NSUN6: variants seen among roughly 807,000 people sequenced by gnomAD.
The protein encoded by NSUN6 is tRNA (cytosine(72)-C(5))-methyltransferase NSUN6.
NSUN6 carries 64 observed loss-of-function variants against 58.0 expected under a neutral mutation model. That is an observed-to-expected ratio of 1.10 (90% CI 0.90 to 1.36). NSUN6 has a LOEUF of 1.36. NSUN6 is among the 40% of genes most tolerant of loss of function. The pLI is 0.00. For missense variants in NSUN6, 701 were observed against 550.1 expected (o/e 1.27, Z -2.74); for synonymous variants, 231 against 193.9 (o/e 1.19, Z -1.59).
chr10:18,601,452 G>A (rs2057834747), intron 6 of NSUN6, among the ~76,000 whole-genome samples: 1 of 152,026 alleles, frequency 6.6e-6, no homozygotes, highest in Non-Finnish European at 1.5e-5. Flanking sequence ...GGAACCGAGT[G>A]TTTCAGTGTA....
intron 8 of NSUN6, among the ~76,000 whole-genome samples, chr10:18,575,908 G>A (rs1353553883): frequency 6.6e-6 from 1 of 152,112 alleles, no homozygotes; most frequent in African/African-American, 2.4e-5. Flanking sequence ...GCTGTCCTTA[G>A]AGTTCCGGGT....
At chr10:18,600,959 T>TATATATATATATATATATATAGAC in intron 6 of NSUN6, among the ~76,000 whole-genome samples, 1 of 64,926 alleles carries the variant, frequency 1.5e-5, no homozygotes. Context: ...TATATATATA[T>TATATATATATATATATATATAGAC]ACATATATAT....
intron 6 of NSUN6, among the ~76,000 whole-genome samples, chr10:18,602,805 G>C (rs1004486570): frequency 1.6e-4 from 25 of 152,140 alleles, no homozygotes; most frequent in Admixed American, 1.2e-3. Context: ...ATATCGGTGA[G>C]GGATGCATTT....
At chr10:18,588,559 A>G (rs1442274376) in intron 7 of NSUN6, among the ~76,000 whole-genome samples, 4 of 152,198 alleles carry the variant, frequency 2.6e-5, no homozygotes, top group Admixed American at 2.6e-4. Flanking sequence ...GTGCCCTTTC[A>G]GATGAAGCTT....
intron 7 of NSUN6, among the ~76,000 whole-genome samples, chr10:18,587,117 A>G (rs2057184353): frequency 6.6e-6 from 1 of 152,232 alleles, no homozygotes; most frequent in Non-Finnish European, 1.5e-5. Flanking sequence ...TTTAATCAAC[A>G]AAACTCAACA....
At chr10:18,561,109 G>C (rs1564720168) in intron 8 of NSUN6, among the ~76,000 whole-genome samples, 1 of 140,096 alleles carries the variant, frequency 7.1e-6, no homozygotes. Flanking sequence ...ATGGAAAAAG[G>C]AATAGAATAT....
chr10:18,584,348 T>A (rs1163866063), intron 8 of NSUN6, among the ~76,000 whole-genome samples: 2 of 152,214 alleles, frequency 1.3e-5, no homozygotes, highest in African/African-American at 2.4e-5. Context: ...GCAGCACATA[T>A]AAACGCAGGA....
intron 3 of NSUN6, among the ~76,000 whole-genome samples, chr10:18,630,736 C>T (rs1363482805): frequency 6.6e-6 from 1 of 152,162 alleles, no homozygotes; most frequent in Non-Finnish European, 1.5e-5. Flanking sequence ...AGACCAATAA[C>T]AGGAGCTGAA....
chr10:18,562,787 T>TGGAATGGAGGGGAGAAA (rs2055627875), intron 8 of NSUN6, among the ~76,000 whole-genome samples: 3 of 142,862 alleles, frequency 2.1e-5, no homozygotes, highest in African/African-American at 5.3e-5. Context: ...GATAATGGAA[T>TGGAATGGAGGGGAGAAA]GGAATGGAGT....
intron 7 of NSUN6, among the ~76,000 whole-genome samples, chr10:18,591,637 G>C (rs2131167405): frequency 6.6e-6 from 1 of 152,264 alleles, no homozygotes; most frequent in East Asian, 1.9e-4. Context: ...TATCTCAATA[G>C]ATACAGAAAA....
At chr10:18,602,524 G>A (rs1368327804) in intron 6 of NSUN6, among the ~76,000 whole-genome samples, 1 of 151,616 alleles carries the variant, frequency 6.6e-6, no homozygotes, top group Non-Finnish European at 1.5e-5. Context: ...GTAACCCACC[G>A]CACCCGGCCT....
intron 3 of NSUN6, among the ~76,000 whole-genome samples, chr10:18,627,545 T>A (rs923913798): frequency 6.6e-6 from 1 of 152,152 alleles, no homozygotes; most frequent in African/African-American, 2.4e-5. Context: ...CGCAGGTCAG[T>A]GGGTGCGCGC....
intron 8 of NSUN6, among the ~76,000 whole-genome samples, chr10:18,579,850 T>C (rs959904139): frequency 2.6e-5 from 4 of 152,164 alleles, no homozygotes; most frequent in South Asian, 2.1e-4. Context: ...ACATAAACAA[T>C]AGGGGAGAGA....
intron 8 of NSUN6, among the ~76,000 whole-genome samples, chr10:18,581,172 C>T (rs11014990): frequency 0.049 from 7,489 of 152,040 alleles, 276 homozygotes; most frequent in Non-Finnish European, 0.077. Flanking sequence ...TTATCAGAGG[C>T]GTTTGAACCA....
chr10:18,558,443 T>A (rs534717882), intron 8 of NSUN6, among the ~76,000 whole-genome samples: 1 of 145,112 alleles, frequency 6.9e-6, no homozygotes, highest in Non-Finnish European at 1.5e-5. Flanking sequence ...GAGGATGGTG[T>A]GGAGAATGGA....
rs1433169745 is a variant in NSUN6 at position 18,592,740 on chromosome 10, C to A, written c.777+3468G>T. 1.3e-5 allele frequency among the ~76,000 whole-genome samples: 2 copies of A among 152,066 alleles called. 1 individual carries two copies. The highest frequency in any genetic ancestry group is 4.2e-4 in the South Asian group (2 of 4,814). ...TGGATTAAAAACTTAAATGTAAAAC[C>A]CAAAACCATAAAAACCCTAGAAGAA... On this transcript the variant is annotated intron_variant, in intron 7 of 10. Transcript: ENST00000377304.
At chr10:18,573,038 T>C (rs1286915327) in intron 8 of NSUN6, among the ~76,000 whole-genome samples, 2 of 151,560 alleles carry the variant, frequency 1.3e-5, no homozygotes, top group African/African-American at 4.8e-5. Flanking sequence ...CTTCATTCCA[T>C]TCCATTCTCC....
intron 3 of NSUN6, among the ~76,000 whole-genome samples, chr10:18,631,163 T>C (rs531139913): frequency 1.2e-3 from 184 of 152,300 alleles, no homozygotes; most frequent in African/African-American, 4.1e-3. Flanking sequence ...CACATGATTA[T>C]CTCAACAGAT....
In NSUN6 at chr10:18,648,653, G is replaced by GAAC. The variant is rs1257662162; in HGVS notation, c.76-9_76-8insGTT. 1.9e-6 allele frequency: 3 copies of GAAC among 1,556,440 alleles called. No individual in the cohort carries two copies. Among genetic ancestry groups the GAAC allele is most frequent in the Non-Finnish European group, 2.6e-6 (3 of 1,132,572 alleles). On this transcript the variant is annotated splice_polypyrimidine_tract_variant and intron_variant, in intron 1 of 10. Transcript: ENST00000377304. The stretch of plus-strand genomic sequence containing the variant: ...ACCTAAAGCAGTCACAATCTAAAAA[G>GAAC]AAGTTCATGTTTAAATTTCCTGAGA...
Sources: allele counts gnomAD v4.1 joint callset (sites outside exome capture counted in the v4.1 genomes callset), GRCh38; gene constraint gnomAD v4.1.1; transcripts MANE v1.5; gene names NCBI Gene and HGNC (gene_info 2026-07-23, HGNC 2026-07-21).